CLEC4D: variants seen among roughly 807,000 people sequenced by gnomAD.
CLEC4D encodes the protein C-type (calcium dependent, carbohydrate-recognition domain) lectin, superfamily member 8.
Under a neutral mutation model 21.1 loss-of-function variants are expected in CLEC4D, and 21 were observed. The observed-to-expected ratio is 1.00, with a 90% confidence interval of 0.71 to 1.43. The LOEUF (loss-of-function observed/expected upper bound fraction) is 1.43. CLEC4D is among the 40% of genes most tolerant of loss of function. CLEC4D has a pLI of 0.00. For synonymous variants in CLEC4D, 85 were observed against 83.1 expected (o/e 1.02, Z -0.12); for missense variants, 289 against 260.7 (o/e 1.11, Z -0.75).
chr12:8,531,217 CT>C, the CLEC4D span, among the ~76,000 whole-genome samples: 1 of 152,186 alleles, frequency 6.6e-6, no homozygotes, highest in African/African-American at 2.4e-5. Context: ...CCCCTTTACA[CT>C]GTCTGGGATC....
At chr12:8,526,059 G>C (rs1429738523), downstream of CLEC4D, among the ~76,000 whole-genome samples, 3 of 152,194 alleles carry the variant, frequency 2.0e-5, no homozygotes, top group African/African-American at 7.2e-5. Context: ...GAGGTCTGCT[G>C]TTAATCTGAT....
chr12:8,516,213 C>T (rs1438383774), intron 2 of CLEC4D, among the ~76,000 whole-genome samples: 3 of 152,036 alleles, frequency 2.0e-5, no homozygotes, highest in African/African-American at 4.8e-5. Context: ...AGGTAGAGAA[C>T]GATTTCTTAA....
chr12:8,522,769 C>T (rs1203752292), downstream of CLEC4D, among the ~76,000 whole-genome samples: 2 of 152,092 alleles, frequency 1.3e-5, no homozygotes, highest in Non-Finnish European at 2.9e-5. Context: ...TGAAGTTTTG[C>T]CCATGCCTGT....
rs1940459713 is a variant in CLEC4D, at chr12:8,521,522, G to A, written c.*251G>A. ...ATAATCTTTCTTTGCTTTCTTAGTA[G>A]TATTTCAAGGTGTTTACTTTTCAAT... is the stretch of plus-strand genomic sequence containing the variant. On this transcript the variant is annotated 3_prime_UTR_variant, in exon 6 of 6. Transcript: ENST00000299665. The A allele has an allele frequency of 1.6e-6, 1 of 633,422 alleles. No homozygotes were observed. Among genetic ancestry groups the A allele is most frequent in the Non-Finnish European group, 2.2e-6 (1 of 453,786 alleles). The allele number at this position is 633,422 out of a possible 1,614,324, so 39.2% of individuals were successfully genotyped here.
At chr12:8,516,565 A>G (rs551354797) in intron 2 of CLEC4D, among the ~76,000 whole-genome samples, 45 of 152,390 alleles carry the variant, frequency 3.0e-4, no homozygotes, top group Non-Finnish European at 4.3e-4. Flanking sequence ...CTTTGCAAAC[A>G]TAACAGGATG....
chr12:8,520,288 T>C lies in CLEC4D; in HGVS notation c.447T>C (p.Asn149=). 3 of 1,614,050 alleles carry C rather than the reference T, an allele frequency of 1.9e-6. No individual in the cohort carries two copies. The highest frequency in any genetic ancestry group is 2.5e-6 in the Non-Finnish European group (3 of 1,179,922). Residue 149 remains asparagine (N), a synonymous_variant, in exon 5 of 6, where the codon AAT becomes AAC. Coordinates refer to ENST00000299665, the MANE Select transcript of CLEC4D (RefSeq NM_080387.5). The stretch of plus-strand genomic sequence containing the variant: ...ATTTCCTTGGACTTAGAGATGAGAA[T>C]GCCAAAGGTCAGTGGCGTTGGGTGG... ...LSYFLGLRDE[N]AKGQWRWVDQ...
At chr12:8,516,998 A>G (rs1191360367) in intron 2 of CLEC4D, among the ~76,000 whole-genome samples, 1 of 152,244 alleles carries the variant, frequency 6.6e-6, no homozygotes, top group Non-Finnish European at 1.5e-5. Context: ...ATCAGAATAC[A>G]TACTGTGTGA....
intron 5 of CLEC4D, 129 bp from the exon 6 acceptor site, chr12:8,520,995 C>A: frequency 8.4e-7 from 1 of 1,187,044 alleles, no homozygotes; most frequent in Non-Finnish European, 1.1e-6. Flanking sequence ...AGTATTAGTG[C>A]AGTTCTAAAC....
At chr12:8,517,564 C>A (rs1391183199) in intron 2 of CLEC4D, among the ~76,000 whole-genome samples, 5 of 151,790 alleles carry the variant, frequency 3.3e-5, no homozygotes, top group Non-Finnish European at 7.4e-5. Context: ...ACCCAGCGCG[C>A]ACCAAAAACC....
chr12:8,515,922 A>G (rs749203235), intron 2 of CLEC4D, among the ~76,000 whole-genome samples: 3 of 152,150 alleles, frequency 2.0e-5, no homozygotes, highest in Non-Finnish European at 2.9e-5. Flanking sequence ...TGCAAGACAA[A>G]TAGACTAGAG....
chr12:8,515,699 T>TTC (rs931378228), intron 2 of CLEC4D, among the ~76,000 whole-genome samples: 1 of 151,922 alleles, frequency 6.6e-6, no homozygotes, highest in African/African-American at 2.4e-5. Context: ...GGAAGAATTG[T>TTC]TCTCTCTCTC....
In CLEC4D at chr12:8,520,637, T is replaced by C. The variant is rs745499894; in HGVS notation, c.500+296T>C. ...AACAATATAAGCGATAAAAATTTTC[T>C]TTGAAAGAGAATCAAAATCTTGTCA... On this transcript the variant is annotated intron_variant, in intron 5 of 5. Coordinates refer to ENST00000299665, the MANE Select transcript of CLEC4D (RefSeq NM_080387.5). Among the ~76,000 whole-genome samples the C allele has an allele frequency of 4.6e-5, 7 of 152,350 alleles. No individual in the cohort carries two copies. The South Asian group carries it at 1.5e-3, about 32-fold the overall frequency.
chr12:8,527,478 A>G, the CLEC4D span, among the ~76,000 whole-genome samples: 1 of 152,010 alleles, frequency 6.6e-6, no homozygotes, highest in Non-Finnish European at 1.5e-5. Flanking sequence ...CTGGCCGCAG[A>G]CTGCCACAGC....
Position 8,520,083 on chromosome 12 carries a change from C to T in CLEC4D, c.385-143C>T. ...AAGATTGAAGCACTTACTAACATTA[C>T]AGGCAGGATTTGAAAACAGATCTAT... On this transcript the variant is annotated intron_variant, in intron 4 of 5. Coordinates refer to ENST00000299665, the MANE Select transcript of CLEC4D (RefSeq NM_080387.5). The T allele has an allele frequency of 2.3e-6, 3 of 1,331,958 alleles. No individual in the cohort carries two copies. In the South Asian group the frequency reaches 4.6e-5, roughly 20 times the overall value. 82.5% of individuals were successfully genotyped at this position (1,331,958 alleles called of 1,614,324 possible). A position where few individuals can be genotyped will look rare whatever the true frequency, so the allele number is the denominator to read the frequency against.
In CLEC4D at chr12:8,521,918, T is replaced by C. The variant is rs182269313; in HGVS notation, c.*647T>C. 1 of 152,268 alleles carries C rather than the reference T, an allele frequency of 6.6e-6. No homozygotes were observed. The highest frequency in any genetic ancestry group is 1.9e-4 in the East Asian group (1 of 5,186). The allele number at this position is 152,268 out of a possible 1,614,324, so 9.4% of individuals were successfully genotyped here. A position where few individuals can be genotyped will look rare whatever the true frequency, so the allele number is the denominator to read the frequency against. On this transcript the variant is annotated 3_prime_UTR_variant, in exon 6 of 6. Transcript: ENST00000299665. ...ACACGTTTTTGCAAAGCAAGAAGTC[T>C]TTGTAAGACACCTTAAACAAAGTCC... is the stretch of plus-strand genomic sequence containing the variant.
At chr12:8,527,657 C>T in the CLEC4D span, among the ~76,000 whole-genome samples, 2 of 152,226 alleles carry the variant, frequency 1.3e-5, no homozygotes, top group East Asian at 1.9e-4. Flanking sequence ...TACTGCCCCT[C>T]CCTCAAAGAG....
At chr12:8,515,033 A>G (rs1940358786) in intron 1 of CLEC4D, among the ~76,000 whole-genome samples, 1 of 152,128 alleles carries the variant, frequency 6.6e-6, no homozygotes, top group South Asian at 2.1e-4. Flanking sequence ...TTTCAAAATT[A>G]CCAAGAAATT....
downstream of CLEC4D, among the ~76,000 whole-genome samples, chr12:8,525,016 AT>A (rs1184048962): frequency 6.6e-6 from 1 of 152,134 alleles, no homozygotes; most frequent in Non-Finnish European, 1.5e-5. Context: ...TTTTTGAGTG[AT>A]TTTCTTAATC....
chr12:8,529,748 G>T, the CLEC4D span, among the ~76,000 whole-genome samples: 3 of 152,186 alleles, frequency 2.0e-5, no homozygotes, highest in Admixed American at 6.5e-5. Flanking sequence ...GTTGAATACT[G>T]ATTTTTAAAT....
Sources: gnomAD v4.1 joint callset for allele counts (sites outside exome capture counted in the v4.1 genomes callset) on GRCh38, gnomAD v4.1.1 for gene constraint, MANE v1.5 for transcripts, NCBI Gene and HGNC (gene_info 2026-07-23, HGNC 2026-07-21) for gene names.